Variants in TENM4 observed in about 807,000 individuals in gnomAD.
TENM4 encodes the protein teneurin-4.
A neutral mutation model predicts 243.3 loss-of-function variants in TENM4; 82 were observed. The observed-to-expected ratio is 0.34, with a 90% confidence interval of 0.28 to 0.40. TENM4 has a LOEUF of 0.40. Ranked by LOEUF, TENM4 falls within the 10% of genes least tolerant of loss-of-function variation. TENM4 has a pLI of 1.00. For missense variants in TENM4, 3,138 were observed against 3,673.3 expected (o/e 0.85, Z 3.77); for synonymous variants, 1,412 against 1,456.3 (o/e 0.97, Z 0.69).
chr11:79,425,296 T>G (rs1187087519), intron 1 of TENM4, among the ~76,000 whole-genome samples: 2 of 152,180 alleles, frequency 1.3e-5, no homozygotes, highest in Non-Finnish European at 2.9e-5. Context: ...GGAAGCTTCT[T>G]AATAGACTTG....
At chr11:79,097,738 G>A (rs1236057242) in intron 4 of TENM4, 2 of 151,658 alleles carry the variant, frequency 1.3e-5, no homozygotes, top group African/African-American at 2.4e-5. Context: ...ATGTGAATCC[G>A]TCTCAACACC....
At chr11:79,002,907 CA>C (rs1858370430) in intron 6 of TENM4, among the ~76,000 whole-genome samples, 2 of 151,964 alleles carry the variant, frequency 1.3e-5, no homozygotes, top group South Asian at 4.2e-4. Flanking sequence ...TACAACAGAA[CA>C]ATACAGGAGA....
intron 16 of TENM4, among the ~76,000 whole-genome samples, chr11:78,779,797 G>A (rs144524147): frequency 5.9e-5 from 9 of 152,152 alleles, no homozygotes; most frequent in Non-Finnish European, 8.8e-5. Flanking sequence ...GGACTGCAAC[G>A]GTGTGGCCTT....
At chr11:79,414,184 GCA>G (rs990510523) in intron 1 of TENM4, among the ~76,000 whole-genome samples, 9 of 132,638 alleles carry the variant, frequency 6.8e-5, no homozygotes, top group African/African-American at 2.0e-4. Context: ...ACACACACAC[GCA>G]CACAAACATG....
chr11:79,114,538 C>T (rs540052753), intron 4 of TENM4, among the ~76,000 whole-genome samples: 40 of 152,310 alleles, frequency 2.6e-4, no homozygotes, highest in South Asian at 1.0e-3. Context: ...CTGGTATTTA[C>T]AGCCTGCTAA....
chr11:78,688,252 T>G (rs1465288318), intron 28 of TENM4, 26 bp from the exon 29 acceptor site: 1 of 1,602,586 alleles, frequency 6.2e-7, no homozygotes, highest in African/African-American at 1.3e-5. Context: ...TGGCACTGAG[T>G]AGTAGAAATA....
intron 1 of TENM4, among the ~76,000 whole-genome samples, chr11:79,419,427 C>A (rs1352037613): frequency 3.9e-5 from 6 of 152,152 alleles, no homozygotes; most frequent in Non-Finnish European, 8.8e-5. Context: ...ACCCACGGCA[C>A]GGGGATGGAT....
chr11:79,146,234 G>A (rs138932867), intron 4 of TENM4, among the ~76,000 whole-genome samples: 2,049 of 152,228 alleles, frequency 0.013, 43 homozygotes, highest in East Asian at 0.073. Flanking sequence ...AGCCCAGAAA[G>A]GGGCATTTCT....
At chr11:79,183,254 A>G (rs1045887443) in intron 3 of TENM4, among the ~76,000 whole-genome samples, 16 of 152,324 alleles carry the variant, frequency 1.1e-4, no homozygotes, top group Middle Eastern at 6.8e-3. Context: ...CAAGCCATGA[A>G]AAGACATGGA....
At chr11:78,914,830 G>T (rs532733011) in intron 6 of TENM4, among the ~76,000 whole-genome samples, 1 of 152,318 alleles carries the variant, frequency 6.6e-6, no homozygotes, top group African/African-American at 2.4e-5. Flanking sequence ...CACCCCTACT[G>T]CCACTACGTT....
At chr11:79,128,582 AGAG>A (rs1165328777) in intron 4 of TENM4, among the ~76,000 whole-genome samples, 1 of 152,200 alleles carries the variant, frequency 6.6e-6, no homozygotes, top group Non-Finnish European at 1.5e-5. Flanking sequence ...TGACAGAAGA[AGAG>A]AAGACTAGGG....
rs1415293221 is a variant in TENM4 at position 79,316,703 on chromosome 11, T to C, written c.-320-19160A>G. 2.0e-5 allele frequency among the ~76,000 whole-genome samples: 3 copies of C among 152,184 alleles called. No homozygotes were observed. The East Asian group carries it at 5.8e-4, about 29-fold the overall frequency. The stretch of plus-strand genomic sequence containing the variant: ...TTTGCTCCCCCAGCCCCAGGAGCAG[T>C]GGTAGAAGTGCAGGCGGGCAGGCAA... On this transcript the variant is annotated intron_variant, in intron 1 of 33. Transcript: ENST00000278550.
In TENM4 at chr11:78,805,277, T is replaced by TTCCCCCCCCCCCCCCCCCCCCC; in HGVS notation, c.2179+14_2179+15insGGGGGGGGGGGGGGGGGGGGGA. The stretch of plus-strand genomic sequence containing the variant: ...CCCCTCCCTCTACCCATGCTTCTTC[T>TTCCCCCCCCCCCCCCCCCCCCC]CCCCCTGCATTTACCGATAGAACAG... On this transcript the variant is annotated intron_variant, in intron 15 of 33. Coordinates refer to ENST00000278550, the MANE Select transcript of TENM4 (RefSeq NM_001098816.3). The TTCCCCCCCCCCCCCCCCCCCCC allele has an allele frequency of 7.1e-7, 1 of 1,402,550 alleles. No individual in the cohort carries two copies. Among genetic ancestry groups the TTCCCCCCCCCCCCCCCCCCCCC allele is most frequent in the Non-Finnish European group, 9.7e-7 (1 of 1,033,116 alleles). 86.9% of individuals were successfully genotyped at this position (1,402,550 alleles called of 1,614,324 possible).
chr11:79,300,620 ACTT>A (rs1211152580), intron 1 of TENM4, among the ~76,000 whole-genome samples: 1 of 152,216 alleles, frequency 6.6e-6, no homozygotes, highest in Non-Finnish European at 1.5e-5. Context: ...GCATTAGCAT[ACTT>A]TAAAAAATCT....
At position 78,854,212 on chromosome 11, in the gene TENM4, T is replaced by G; in HGVS notation, c.1573A>C (p.Ser525Arg). Residue 525 changes from serine (S) to arginine (R), a missense_variant, in exon 12 of 34, where the codon AGC (serine) becomes CGC (arginine). Ser to Arg is a moderately radical substitution (Grantham distance 110). Transcript: ENST00000278550. The part of the protein sequence containing the change: ...RQSRGTVPPS[S>R]HETGFIQYLD... ...TACTGGATGAAGCCTGTCTCATGGCTGGAGGGGGGCACAGTTCCCCGAGAC... is the reference window on the plus strand; with the variant it reads ...TACTGGATGAAGCCTGTCTCATGGCGGGAGGGGGGCACAGTTCCCCGAGAC... 1 of 1,551,624 alleles carries G rather than the reference T, an allele frequency of 6.4e-7. No homozygotes were observed. The highest frequency in any genetic ancestry group is 8.7e-7 in the Non-Finnish European group (1 of 1,146,956).
intron 30 of TENM4, among the ~76,000 whole-genome samples, chr11:78,673,233 C>T (rs1858380260): frequency 6.6e-6 from 1 of 152,156 alleles, no homozygotes; most frequent in Admixed American, 6.5e-5. Flanking sequence ...AAGAAATATA[C>T]TTCAGGGGCC....
intron 13 of TENM4, among the ~76,000 whole-genome samples, chr11:78,813,189 A>C (rs1005483236): frequency 1.3e-5 from 2 of 152,170 alleles, no homozygotes; most frequent in Non-Finnish European, 2.9e-5. Context: ...GTCTCACATT[A>C]GGAAGAATAA....
At chr11:79,131,199 G>T (rs534211067) in intron 4 of TENM4, among the ~76,000 whole-genome samples, 4 of 152,080 alleles carry the variant, frequency 2.6e-5, no homozygotes, top group African/African-American at 9.7e-5. Context: ...AGAATTCATC[G>T]CAAAAAGATT....
At chr11:78,873,418 G>GT (rs1327040520) in intron 9 of TENM4, among the ~76,000 whole-genome samples, 1 of 152,164 alleles carries the variant, frequency 6.6e-6, no homozygotes, top group Non-Finnish European at 1.5e-5. Flanking sequence ...GCCCAATGGG[G>GT]TAAGTATTGT....
Sources: allele counts gnomAD v4.1 joint callset (sites outside exome capture counted in the v4.1 genomes callset), GRCh38; gene constraint gnomAD v4.1.1; transcripts MANE v1.5; gene names NCBI Gene and HGNC (gene_info 2026-07-23, HGNC 2026-07-21).